The following PDE1A variants were observed in gnomAD, a reference collection of about 807,000 sequenced individuals.
PDE1A encodes dual specificity calcium/calmodulin-dependent 3',5'-cyclic nucleotide phosphodiesterase 1A.
PDE1A carries 35 observed loss-of-function variants against 61.7 expected under a neutral mutation model. That is an observed-to-expected ratio of 0.57 (90% confidence interval 0.43 to 0.75). PDE1A has a LOEUF of 0.75. Among genes scored for constraint, PDE1A ranks in the 30% least tolerant of loss-of-function variants. PDE1A has a pLI of 0.00. For missense variants in PDE1A, 597 were observed against 630.6 expected (o/e 0.95, Z 0.57); for synonymous variants, 232 against 213.2 (o/e 1.09, Z -0.77).
At chr2:182,377,160 A>C (rs1390928373) in intron 1 of PDE1A, among the ~76,000 whole-genome samples, 2 of 152,174 alleles carry the variant, frequency 1.3e-5, no homozygotes, top group African/African-American at 4.8e-5. Context: ...CTCATGTCGA[A>C]TTGTAATCCC....
At chr2:182,686,889 GC>G in the PDE1A span, among the ~76,000 whole-genome samples, 1 of 152,222 alleles carries the variant, frequency 6.6e-6, no homozygotes, top group Non-Finnish European at 1.5e-5. Context: ...TATATCCCGC[GC>G]ATGGCTTGGA....
At chr2:182,369,022 C>CT (rs147639018) in intron 1 of PDE1A, among the ~76,000 whole-genome samples, 7,344 of 152,160 alleles carry the variant, frequency 0.048, 609 homozygotes, top group African/African-American at 0.17. Context: ...GGATAAAAAA[C>CT]TGCTAAATAG....
At chr2:182,150,076 C>T (rs1036732491) in intron 13 of PDE1A, among the ~76,000 whole-genome samples, 1 of 152,050 alleles carries the variant, frequency 6.6e-6, no homozygotes, top group African/African-American at 2.4e-5. Flanking sequence ...TAAAATGATA[C>T]TTCAAGGTCG....
chr2:182,171,042 T>A (rs1692166087), intron 13 of PDE1A, among the ~76,000 whole-genome samples: 1 of 152,036 alleles, frequency 6.6e-6, no homozygotes, highest in Non-Finnish European at 1.5e-5. Flanking sequence ...GTTTTGTTTT[T>A]AAATTTTTTA....
At chr2:182,426,262 T>A (rs1703616479) in intron 1 of PDE1A, among the ~76,000 whole-genome samples, 1 of 152,210 alleles carries the variant, frequency 6.6e-6, no homozygotes, top group African/African-American at 2.4e-5. Context: ...CGTTTCCTAT[T>A]TAGAGGGCTG....
the PDE1A span, among the ~76,000 whole-genome samples, chr2:182,619,416 G>A: frequency 3.9e-5 from 6 of 152,110 alleles, no homozygotes; most frequent in Non-Finnish European, 8.8e-5. Flanking sequence ...GCAGAGGGCT[G>A]TGCAGCCAGT....
At chr2:182,481,964 A>G (rs576358630) in intron 2 of PDE1A, among the ~76,000 whole-genome samples, 12 of 151,940 alleles carry the variant, frequency 7.9e-5, no homozygotes, top group Non-Finnish European at 1.6e-4. Flanking sequence ...TATCTCAGCT[A>G]CAGAACTGGA....
At chr2:182,606,217 C>T in the PDE1A span, among the ~76,000 whole-genome samples, 9 of 152,282 alleles carry the variant, frequency 5.9e-5, no homozygotes, top group African/African-American at 1.9e-4. Context: ...TTCACCCTAT[C>T]GCCCAGGCTG....
At chr2:182,624,017 C>T in the PDE1A span, among the ~76,000 whole-genome samples, 6 of 149,340 alleles carry the variant, frequency 4.0e-5, no homozygotes, top group Admixed American at 6.8e-5. Flanking sequence ...CCCAGCTACT[C>T]GGGAGGCTGA....
At chr2:182,194,674 A>G (rs1275001405) in intron 10 of PDE1A, among the ~76,000 whole-genome samples, 1 of 152,090 alleles carries the variant, frequency 6.6e-6, no homozygotes, top group Non-Finnish European at 1.5e-5. Context: ...GGGTGAAACT[A>G]AAGTAGTAGC....
chr2:182,553,183 G>A, the PDE1A span, among the ~76,000 whole-genome samples: 1 of 152,146 alleles, frequency 6.6e-6, no homozygotes, highest in South Asian at 2.1e-4. Context: ...CTTGGAATCC[G>A]TGAGGCCAAG....
At chr2:182,599,675 T>C in the PDE1A span, among the ~76,000 whole-genome samples, 1 of 152,204 alleles carries the variant, frequency 6.6e-6, no homozygotes, top group Non-Finnish European at 1.5e-5. Flanking sequence ...CCACTAGATT[T>C]GAATTTCAGA....
chr2:182,599,805 T>C, the PDE1A span, among the ~76,000 whole-genome samples: 5 of 152,236 alleles, frequency 3.3e-5, no homozygotes, highest in African/African-American at 7.2e-5. Context: ...CCCTGTGCTA[T>C]AGGCATCAGA....
chr2:182,210,319 T>C lies in PDE1A; in HGVS notation c.777-4254A>G, dbSNP rs189230871. Among the ~76,000 whole-genome samples the C allele has an allele frequency of 3.4e-3, 521 of 152,382 alleles. 2 individuals carry two copies. Among genetic ancestry groups the C allele is most frequent in the African/African-American group, 0.012 (505 of 41,594 alleles). On this transcript the variant is annotated intron_variant, in intron 7 of 13. Transcript: ENST00000351439. ...CCAGCTTTTGGTGTTGTTAGTGTTA[T>C]GGATTTTGGCCATTTTAATAGATGT... is the stretch of plus-strand genomic sequence containing the variant.
At chr2:182,187,283 C>T (rs1177532512) in intron 11 of PDE1A, among the ~76,000 whole-genome samples, 5 of 152,158 alleles carry the variant, frequency 3.3e-5, no homozygotes, top group Non-Finnish European at 7.3e-5. Context: ...TTAAAGTACT[C>T]ATCAAGATAG....
chr2:182,529,436 G>C, the PDE1A span, among the ~76,000 whole-genome samples: 1 of 152,118 alleles, frequency 6.6e-6, no homozygotes, highest in Non-Finnish European at 1.5e-5. Context: ...AAAGTAACTA[G>C]CTTGCCTTTT....
chr2:182,704,211 G>GAAA, the PDE1A span, among the ~76,000 whole-genome samples: 1,372 of 119,922 alleles, frequency 0.011, 28 homozygotes, highest in East Asian at 0.034. Flanking sequence ...ACTCCGTCTG[G>GAAA]AAAAAAAAAA....
upstream of PDE1A, among the ~76,000 whole-genome samples, chr2:182,427,989 T>C (rs980453886): frequency 3.9e-5 from 6 of 152,190 alleles, no homozygotes; most frequent in Non-Finnish European, 8.8e-5. Flanking sequence ...TCTGTAGTTA[T>C]TGGCACTCTC....
At chr2:182,358,055 T>C (rs1227779297) in intron 1 of PDE1A, among the ~76,000 whole-genome samples, 1 of 152,200 alleles carries the variant, frequency 6.6e-6, no homozygotes, top group Admixed American at 6.5e-5. Context: ...CTCTCAACCA[T>C]TTCTCAGCCA....
Sources: allele counts gnomAD v4.1 joint callset (sites outside exome capture counted in the v4.1 genomes callset), GRCh38; gene constraint gnomAD v4.1.1; transcripts MANE v1.5; gene names NCBI Gene and HGNC (gene_info 2026-07-23, HGNC 2026-07-21).